The following EAPP variants were observed in gnomAD, a reference collection of about 807,000 sequenced individuals.
EAPP encodes the protein E2F-associated phosphoprotein.
EAPP carries 38 observed loss-of-function variants against 34.3 expected under a neutral mutation model. The ratio of observed to expected loss-of-function variants is 1.11; its 90% CI spans 0.85 to 1.45. The LOEUF (loss-of-function observed/expected upper bound fraction) is 1.45, where lower values mean the gene tolerates loss of function less well. EAPP is among the 40% of genes most tolerant of loss of function. The probability of loss-of-function intolerance (pLI) is 0.00; values close to 1 mark genes in which losing one functional copy is unlikely to be tolerated. For synonymous variants in EAPP, 113 were observed against 117.6 expected, an observed-to-expected ratio of 0.96 and a Z score of 0.25; for missense variants, 338 against 343.7, an observed-to-expected ratio of 0.98 and a Z score of 0.13.
intron 5 of EAPP, among the ~76,000 whole-genome samples, 164 bp downstream of exon 5, chr14:34,524,533 T>G (rs758990156): frequency 9.9e-5 from 15 of 152,058 alleles, no homozygotes; most frequent in Non-Finnish European, 1.8e-4. Flanking sequence ...GGAGACTCGC[T>G]TGAACCCACG....
chr14:34,519,208 T>C (rs747973528), intron 5 of EAPP, among the ~76,000 whole-genome samples: 14 of 152,108 alleles, frequency 9.2e-5, no homozygotes, highest in Admixed American at 2.0e-4. Flanking sequence ...CCATGTAAGA[T>C]GTGCCTGCTT....
At chr14:34,532,127 T>G (rs959728813) in intron 3 of EAPP, among the ~76,000 whole-genome samples, 1 of 147,062 alleles carries the variant, frequency 6.8e-6, no homozygotes, top group African/African-American at 2.5e-5. Context: ...ATTTTGAACA[T>G]AGAGGCTGAT....
chr14:34,524,267 G>A (rs1439481804), intron 5 of EAPP, among the ~76,000 whole-genome samples: 2 of 152,138 alleles, frequency 1.3e-5, no homozygotes, highest in Non-Finnish European at 2.9e-5. Context: ...GCAGGCACCT[G>A]TAATCCCAGC....
At chr14:34,523,800 T>TA (rs2138889437) in intron 5 of EAPP, among the ~76,000 whole-genome samples, 1 of 152,206 alleles carries the variant, frequency 6.6e-6, no homozygotes, top group East Asian at 1.9e-4. Flanking sequence ...TAGCCTCCCA[T>TA]AGCACTGGGA....
At chr14:34,527,168 C>CAAA (rs35039984) in intron 4 of EAPP, among the ~76,000 whole-genome samples, 3,185 of 106,648 alleles carry the variant, frequency 0.03, 105 homozygotes, top group Middle Eastern at 0.074. Context: ...AACTCCGTCT[C>CAAA]AAAAAAAAAA....
At chr14:34,526,893 G>C (rs753435780) in intron 4 of EAPP, among the ~76,000 whole-genome samples, 7 of 149,818 alleles carry the variant, frequency 4.7e-5, no homozygotes, top group Non-Finnish European at 8.9e-5. Context: ...AAAAATGACC[G>C]GGTGCGGTGG....
intron 5 of EAPP, among the ~76,000 whole-genome samples, chr14:34,522,587 G>A (rs1218090666): frequency 6.6e-6 from 1 of 152,080 alleles, no homozygotes; most frequent in East Asian, 1.9e-4. Context: ...GAGATTCTTT[G>A]TAATTTGCAA....
At chr14:34,519,271 A>C (rs950440645) in intron 5 of EAPP, among the ~76,000 whole-genome samples, 2 of 152,142 alleles carry the variant, frequency 1.3e-5, no homozygotes, top group Non-Finnish European at 2.9e-5. Context: ...GCACTGGCTC[A>C]AGCCTGTAAT....
chr14:34,535,211 C>A (rs1164408555), intron 2 of EAPP, among the ~76,000 whole-genome samples: 11 of 149,204 alleles, frequency 7.4e-5, no homozygotes, highest in Admixed American at 4.1e-4. Context: ...CTCACTGCAA[C>A]CTCCGCCTTC....
chr14:34,517,795 GA>G (rs1879786714), intron 5 of EAPP, among the ~76,000 whole-genome samples: 1 of 149,036 alleles, frequency 6.7e-6, no homozygotes, highest in Admixed American at 6.7e-5. Context: ...TTTTTTTTGA[GA>G]TGGAGTCTCG....
chr14:34,532,087 A>AG (rs1880314045), intron 3 of EAPP, among the ~76,000 whole-genome samples: 1 of 151,644 alleles, frequency 6.6e-6, no homozygotes, highest in Non-Finnish European at 1.5e-5. Flanking sequence ...AAAAAAAAAA[A>AG]AAAGAAAGAA....
intron 5 of EAPP, among the ~76,000 whole-genome samples, chr14:34,518,307 T>A (rs1879802927): frequency 6.6e-6 from 1 of 150,862 alleles, no homozygotes; most frequent in African/African-American, 2.4e-5. Flanking sequence ...TAATACTGTA[T>A]TGTATCTCTC....
intron 4 of EAPP, among the ~76,000 whole-genome samples, chr14:34,528,988 T>C (rs1360626637): frequency 2.0e-5 from 3 of 151,298 alleles, no homozygotes; most frequent in East Asian, 3.9e-4. Flanking sequence ...TACAAAAAAT[T>C]AGCTGTGTGT....
intron 3 of EAPP, among the ~76,000 whole-genome samples, chr14:34,530,904 C>CAAAAAAAAAAAA (rs780101001): frequency 4.5e-3 from 244 of 54,682 alleles, no homozygotes; most frequent in East Asian, 6.2e-3. Context: ...CAATCTTTAC[C>CAAAAAAAAAAAA]AAAAAAAAAA....
chr14:34,525,670 A>T (rs1880070121), intron 4 of EAPP, among the ~76,000 whole-genome samples: 1 of 152,180 alleles, frequency 6.6e-6, no homozygotes, highest in South Asian at 2.1e-4. Context: ...CAAACAGAAA[A>T]AGAACAGTAC....
intron 5 of EAPP, among the ~76,000 whole-genome samples, chr14:34,517,006 C>G (rs61191745): frequency 6.7e-6 from 1 of 149,272 alleles, no homozygotes; most frequent in Non-Finnish European, 1.5e-5. Flanking sequence ...GGCGCGATCT[C>G]GGCTCACTGC....
At chr14:34,523,537 T>G (rs1879991582) in intron 5 of EAPP, among the ~76,000 whole-genome samples, 1 of 149,722 alleles carries the variant, frequency 6.7e-6, no homozygotes, top group Admixed American at 6.7e-5. Context: ...TTTTTTTTTT[T>G]TTTTTGGAGA....
chr14:34,526,877 T>TAA (rs55927803), intron 4 of EAPP, among the ~76,000 whole-genome samples: 27 of 148,960 alleles, frequency 1.8e-4, no homozygotes, highest in East Asian at 1.2e-3. Flanking sequence ...GTCTTTAAAT[T>TAA]AAAAAAAAAA....
chr14:34,517,229 C>T (rs949383748), intron 5 of EAPP, among the ~76,000 whole-genome samples: 6 of 149,346 alleles, frequency 4.0e-5, no homozygotes, highest in African/African-American at 1.5e-4. Context: ...TGAGCCACCG[C>T]ACCCAGACGA....
Sources: allele counts gnomAD v4.1 joint callset (sites outside exome capture counted in the v4.1 genomes callset), GRCh38; gene constraint gnomAD v4.1.1; transcripts MANE v1.5; gene names NCBI Gene and HGNC (gene_info 2026-07-23, HGNC 2026-07-21).